ANAPC4: variants seen among roughly 807,000 people sequenced by gnomAD.
The protein encoded by ANAPC4 is anaphase promoting complex subunit 4.
ANAPC4 carries 63 observed loss-of-function variants against 119.8 expected under a neutral mutation model. The ratio of observed to expected loss-of-function variants is 0.53; its 90% CI spans 0.43 to 0.65. ANAPC4 has a LOEUF of 0.65. Ranked by LOEUF, ANAPC4 falls within the 30% of genes least tolerant of loss-of-function variation. The pLI, the probability that ANAPC4 is intolerant of heterozygous loss-of-function variation, is 0.00. For synonymous variants in ANAPC4, 283 were observed against 318.6 expected, an observed-to-expected ratio of 0.89 and a Z score of 1.19; for missense variants, 716 against 945.1, an observed-to-expected ratio of 0.76 and a Z score of 3.18.
At chr4:25,406,989 A>G in intron 19 of ANAPC4, 104 bp downstream of exon 19, 1 of 1,001,994 alleles carries the variant, frequency 1.0e-6, no homozygotes, top group Non-Finnish European at 1.5e-6. Flanking sequence ...TGAAGTCTAT[A>G]GCAATTACTT....
At chr4:25,377,672 C>A (rs1721486952) in intron 2 of ANAPC4, 116 bp downstream of exon 2, 33 of 1,443,366 alleles carry the variant, frequency 2.3e-5, no homozygotes, top group Non-Finnish European at 2.9e-5. Flanking sequence ...GTTTCCCCTT[C>A]TGCAGACATG....
chr4:25,380,352 C>A, intron 2 of ANAPC4, 22 bp from the exon 3 acceptor site: 1 of 1,555,466 alleles, frequency 6.4e-7, no homozygotes, highest in Non-Finnish European at 8.7e-7. Context: ...AATTTCCTGC[C>A]ATTATATCTG....
intron 4 of ANAPC4, among the ~76,000 whole-genome samples, chr4:25,385,953 G>A (rs1049339484): frequency 4.6e-5 from 7 of 152,030 alleles, no homozygotes; most frequent in Middle Eastern, 3.4e-3. Flanking sequence ...TTTTTGAGAC[G>A]GAGTTTCGCT....
At chr4:25,382,295 T>C (rs187960803) in intron 3 of ANAPC4, among the ~76,000 whole-genome samples, 14 of 152,346 alleles carry the variant, frequency 9.2e-5, no homozygotes, top group Admixed American at 2.6e-4. Context: ...GTAAACATTC[T>C]GAACACTGGG....
At chr4:25,385,342 G>C (rs187866873) in intron 4 of ANAPC4, among the ~76,000 whole-genome samples, 1 of 152,150 alleles carries the variant, frequency 6.6e-6, no homozygotes, top group African/African-American at 2.4e-5. Context: ...ATCCTCGATG[G>C]CATCTTCCAA....
intron 9 of ANAPC4, among the ~76,000 whole-genome samples, chr4:25,391,234 G>A (rs539184836): frequency 1.7e-4 from 26 of 152,232 alleles, no homozygotes; most frequent in Admixed American, 3.3e-4. Flanking sequence ...TGTTTTGGTG[G>A]TCTATTAATG....
In ANAPC4 at chr4:25,382,926, T is replaced by C. The variant is rs115062050; in HGVS notation, c.236-335T>C. Among the ~76,000 whole-genome samples, 587 of 152,290 alleles carry C rather than the reference T, an allele frequency of 3.9e-3. 6 individuals are homozygous for C. The highest frequency in any genetic ancestry group is 0.013 in the African/African-American group (547 of 41,560). On this transcript the variant is annotated intron_variant, in intron 3 of 28. Coordinates refer to ENST00000315368, the MANE Select transcript of ANAPC4 (RefSeq NM_013367.3). ...TACCTTTTAGACATGTGATAACATATAATTGTTTATTTGTTGAAGCCTCTT... is the reference window on the plus strand; with the variant it reads ...TACCTTTTAGACATGTGATAACATACAATTGTTTATTTGTTGAAGCCTCTT...
At chr4:25,408,523 C>CA (rs753508822) in intron 20 of ANAPC4, among the ~76,000 whole-genome samples, 5,236 of 93,554 alleles carry the variant, frequency 0.056, 288 homozygotes, top group African/African-American at 0.14. Flanking sequence ...GCAGGTTTTC[C>CA]AAAAAAAAAA....
chr4:25,415,711 G>A (rs41267453), intron 26 of ANAPC4, 171 bp downstream of exon 26: 1 of 570,106 alleles, frequency 1.8e-6, no homozygotes, highest in East Asian at 2.9e-5. Context: ...GATTTGACTT[G>A]TGATTGAATA....
At chr4:25,390,043 A>T in intron 7 of ANAPC4, 93 bp from the exon 8 acceptor site, 1 of 850,420 alleles carries the variant, frequency 1.2e-6, no homozygotes, top group East Asian at 2.6e-5. Flanking sequence ...CATGTAGATT[A>T]TATGAAAGCA....
At chr4:25,400,590 A>G (rs996546538) in intron 16 of ANAPC4, among the ~76,000 whole-genome samples, 1 of 152,180 alleles carries the variant, frequency 6.6e-6, no homozygotes, top group Non-Finnish European at 1.5e-5. Context: ...GGAGTGGGAA[A>G]GTGAGGCCAG....
chr4:25,381,470 C>T (rs1721722137), intron 3 of ANAPC4, among the ~76,000 whole-genome samples: 1 of 152,118 alleles, frequency 6.6e-6, no homozygotes, highest in African/African-American at 2.4e-5. Flanking sequence ...ACCTTCATCC[C>T]TGGCTAATTT....
chr4:25,396,820 A>G, intron 15 of ANAPC4, 28 bp from the exon 16 acceptor site: 1 of 1,609,318 alleles, frequency 6.2e-7, no homozygotes, highest in Non-Finnish European at 8.5e-7. Flanking sequence ...TATTTGACAA[A>G]TGACGTTTAT....
At chr4:25,388,656 C>T (rs1028807426) in intron 5 of ANAPC4, 61 bp from the exon 6 acceptor site, 20 of 1,558,992 alleles carry the variant, frequency 1.3e-5, no homozygotes, top group Middle Eastern at 3.4e-4. Context: ...TTTTCTCATG[C>T]GTTTTAAAAT....
intron 16 of ANAPC4, 147 bp downstream of exon 16, chr4:25,397,046 G>T (rs1722689841): frequency 4.0e-6 from 3 of 748,866 alleles, no homozygotes; most frequent in Admixed American, 3.2e-5. Flanking sequence ...CGAAAAGCCA[G>T]CAGCACAGAG....
chr4:25,397,888 T>G (rs891555118), intron 16 of ANAPC4, among the ~76,000 whole-genome samples: 1 of 151,988 alleles, frequency 6.6e-6, no homozygotes. Context: ...TTCTCTTGTA[T>G]TATTCTTTTA....
At chr4:25,380,945 A>G (rs1721681884) in intron 3 of ANAPC4, among the ~76,000 whole-genome samples, 1 of 152,174 alleles carries the variant, frequency 6.6e-6, no homozygotes, top group Non-Finnish European at 1.5e-5. Flanking sequence ...CTTTGACCCC[A>G]TACCTTCCAT....
At chr4:25,417,560 A>G in intron 27 of ANAPC4, 56 bp from the exon 28 acceptor site, 1 of 1,513,572 alleles carries the variant, frequency 6.6e-7, no homozygotes, top group Non-Finnish European at 8.8e-7. Flanking sequence ...CTGTAGTAAA[A>G]CTAGGGAGGA....
intron 25 of ANAPC4, 29 bp from the exon 26 acceptor site, chr4:25,415,437 T>C (rs1723806096): frequency 6.4e-7 from 1 of 1,565,928 alleles, no homozygotes; most frequent in Admixed American, 1.7e-5. Flanking sequence ...TTCCACAGAG[T>C]CTCTTTTTTT....
Sources: gnomAD v4.1 joint callset for allele counts (sites outside exome capture counted in the v4.1 genomes callset) on GRCh38, gnomAD v4.1.1 for gene constraint, MANE v1.5 for transcripts, NCBI Gene and HGNC (gene_info 2026-07-23, HGNC 2026-07-21) for gene names.